ADGRV1: variants seen among roughly 807,000 people sequenced by gnomAD.
ADGRV1 encodes the protein G-protein coupled receptor 98.
A neutral mutation model predicts 596.2 loss-of-function variants in ADGRV1; 359 were observed. The ratio of observed to expected loss-of-function variants is 0.60; its 90% CI spans 0.55 to 0.66. The LOEUF (loss-of-function observed/expected upper bound fraction) is 0.66, where lower values mean the gene tolerates loss of function less well. Ranked by LOEUF, ADGRV1 falls within the 30% of genes least tolerant of loss-of-function variation. The probability of loss-of-function intolerance (pLI) is 0.00; values close to 1 mark genes in which losing one functional copy is unlikely to be tolerated. For synonymous variants in ADGRV1, 2,681 were observed against 2,679.2 expected (o/e 1.00, Z -0.02); for missense variants, 7,274 against 7,575.6 (o/e 0.96, Z 1.48).
chr5:90,736,681 A>AT (rs1753266925), intron 50 of ADGRV1, among the ~76,000 whole-genome samples: 1 of 151,862 alleles, frequency 6.6e-6, no homozygotes, highest in Admixed American at 6.6e-5. Flanking sequence ...CTATCTCTTC[A>AT]TGATTCAGTC....
chr5:91,121,969 G>GA (rs547145432), intron 87 of ADGRV1, among the ~76,000 whole-genome samples: 79 of 142,192 alleles, frequency 5.6e-4, no homozygotes, highest in South Asian at 4.4e-3. Flanking sequence ...TTAAAGAGAA[G>GA]AAAAAAAAAA....
intron 6 of ADGRV1, chr5:90,626,542 A>C (rs941889707): frequency 6.6e-6 from 1 of 152,138 alleles, no homozygotes; most frequent in Non-Finnish European, 1.5e-5. Context: ...TGAAAAGCTC[A>C]CACAGCACAG....
chr5:91,035,923 G>A (rs1401914906), intron 85 of ADGRV1, among the ~76,000 whole-genome samples: 3 of 121,010 alleles, frequency 2.5e-5, no homozygotes, highest in African/African-American at 5.9e-5. Context: ...CTATATACAT[G>A]TGTCAGCTAA....
chr5:90,561,602 A>G (rs1001203045), intron 1 of ADGRV1, among the ~76,000 whole-genome samples: 1 of 152,186 alleles, frequency 6.6e-6, no homozygotes, highest in African/African-American at 2.4e-5. Flanking sequence ...TATAGTATCT[A>G]TAGGGTTCAG....
At position 90,774,302 on chromosome 5, in the gene ADGRV1, A is replaced by G. The variant is rs1396298218; in HGVS notation, c.12402A>G (p.Lys4134=). 5.4e-6 allele frequency: 8 copies of G among 1,489,392 alleles called. No individual in the cohort carries two copies. In the Admixed American group the frequency reaches 1.3e-4, roughly 25 times the overall value. The allele number at this position is 1,489,392 out of a possible 1,614,324, so 92.3% of individuals were successfully genotyped here. A position where few individuals can be genotyped will look rare whatever the true frequency, so the allele number is the denominator to read the frequency against. The change falls in exon 60 of 90, where the codon AAA becomes AAG. Residue 4134 remains lysine (K), a splice_region_variant and synonymous_variant. Coordinates refer to ENST00000405460, the MANE Select transcript of ADGRV1 (RefSeq NM_032119.4). The part of the protein sequence containing the change: ...SIDEVEISPV[K]GSASIIIRGD... ...ATGAGGTAGAAATATCTCCAGTAAAAGGTAAGAGAAATTCACATTTTTGGA... is the reference window on the plus strand; with the variant it reads ...ATGAGGTAGAAATATCTCCAGTAAAGGGTAAGAGAAATTCACATTTTTGGA...
intron 87 of ADGRV1, among the ~76,000 whole-genome samples, chr5:91,127,730 T>C (rs1202960488): frequency 6.6e-6 from 1 of 152,200 alleles, no homozygotes; most frequent in East Asian, 1.9e-4. Context: ...GCTGCCTTTA[T>C]AGAGACACCA....
At chr5:91,007,932 A>G (rs553290250) in intron 85 of ADGRV1, among the ~76,000 whole-genome samples, 119 of 152,054 alleles carry the variant, frequency 7.8e-4, no homozygotes, top group Admixed American at 1.8e-3. Context: ...AGCATTTCCC[A>G]TCTCTGCCAA....
In ADGRV1 at chr5:90,840,874, T is replaced by G. The variant is rs1430021250; in HGVS notation, c.16908T>G (p.His5636Gln). The G allele has an allele frequency of 6.2e-7, 1 of 1,607,908 alleles. No individual in the cohort carries two copies. ...QAIWGLADQL[H>Q]QPVNDDILNR... ...TTTGGGGGCTTGCAGATCAGCTACA[T>G]CAGCCTGTGAATGATGATATTCTCA... The change falls in exon 78 of 90, where the codon CAT becomes CAG. Residue 5636 changes from histidine (H) to glutamine (Q), a missense_variant. This residue lies in a region of ADGRV1 where 1,874 missense variants were observed against 1,970.2 expected (regional missense o/e 0.95). Coordinates refer to ENST00000405460, the MANE Select transcript of ADGRV1 (RefSeq NM_032119.4).
chr5:90,675,284 G>A lies in ADGRV1; in HGVS notation c.5152G>A (p.Asp1718Asn). 2 of 1,613,764 alleles carry A rather than the reference G, an allele frequency of 1.2e-6. No homozygotes were observed. The highest frequency in any genetic ancestry group is 1.7e-6 in the Non-Finnish European group (2 of 1,179,850). Residue 1718 changes from aspartate to asparagine, a missense_variant, in exon 24 of 90, where the codon GAC (aspartate) becomes AAC (asparagine). Coordinates refer to ENST00000405460, the MANE Select transcript of ADGRV1 (RefSeq NM_032119.4). ...FSTGLPPQPKDAMTLPASSVP... is the reference protein window; with the variant it reads ...FSTGLPPQPKNAMTLPASSVP... Reference sequence around the variant, plus strand: ...CACAGGGCTGCCTCCTCAGCCTAAGGACGCAATGACCCTGCCTGCAAGCAG... The same window carrying A: ...CACAGGGCTGCCTCCTCAGCCTAAGAACGCAATGACCCTGCCTGCAAGCAG...
chr5:90,883,471 A>G (rs890198001), intron 83 of ADGRV1, among the ~76,000 whole-genome samples: 1 of 152,098 alleles, frequency 6.6e-6, no homozygotes, highest in Non-Finnish European at 1.5e-5. Context: ...TACTTTGAAC[A>G]TTTTCATTTT....
chr5:90,705,404 T>C lies in ADGRV1; in HGVS notation c.8391T>C (p.Val2797=), dbSNP rs1580803462. 1.2e-6 allele frequency: 2 copies of C among 1,613,228 alleles called. No homozygotes were observed. The highest frequency in any genetic ancestry group is 1.3e-5 in the African/African-American group (1 of 75,032). The part of the protein sequence containing the change: ...VILYDVRTQG[V]PPAGIALLDA... ...ATTCCTGCCTGACATTTTTAGGAGT[T>C]CCACCAGCCGGAATCGCCCTGCTTG... The change falls in exon 37 of 90, where the codon GTT becomes GTC. Residue 2797 remains valine, a synonymous_variant. Transcript: ENST00000405460.
intron 85 of ADGRV1, among the ~76,000 whole-genome samples, chr5:91,002,442 C>G (rs891549534): frequency 7.9e-5 from 12 of 152,106 alleles, no homozygotes; most frequent in African/African-American, 2.4e-5. Flanking sequence ...ATTACTGCTT[C>G]CAATGCGAAT....
At chr5:90,939,866 A>G (rs1455465609) in intron 83 of ADGRV1, among the ~76,000 whole-genome samples, 1 of 152,186 alleles carries the variant, frequency 6.6e-6, no homozygotes, top group African/African-American at 2.4e-5. Context: ...AAAATAGACA[A>G]TAATCTGATT....
At chr5:91,050,088 T>G (rs1000187970) in intron 85 of ADGRV1, among the ~76,000 whole-genome samples, 1 of 152,216 alleles carries the variant, frequency 6.6e-6, no homozygotes, top group Non-Finnish European at 1.5e-5. Flanking sequence ...CCAATCTGGG[T>G]ACTTGTGCTG....
chr5:90,957,185 A>G (rs1777555973), intron 83 of ADGRV1, among the ~76,000 whole-genome samples: 1 of 152,156 alleles, frequency 6.6e-6, no homozygotes, highest in Non-Finnish European at 1.5e-5. Context: ...TGGCAAATGT[A>G]TTTACTTTTA....
intron 50 of ADGRV1, among the ~76,000 whole-genome samples, chr5:90,733,066 A>G (rs1331974442): frequency 1.3e-5 from 2 of 152,328 alleles, no homozygotes; most frequent in East Asian, 3.9e-4. Context: ...TGCCTGGGCA[A>G]GAGTTGAAGA....
intron 87 of ADGRV1, among the ~76,000 whole-genome samples, chr5:91,145,211 C>G (rs1562276005): frequency 6.6e-6 from 1 of 152,150 alleles, no homozygotes; most frequent in Non-Finnish European, 1.5e-5. Context: ...AAAAAACATG[C>G]AGCTTTCACA....
chr5:91,070,634 C>T (rs1397712564), intron 85 of ADGRV1, among the ~76,000 whole-genome samples: 1 of 152,114 alleles, frequency 6.6e-6, no homozygotes, highest in African/African-American at 2.4e-5. Flanking sequence ...TTATGTAAAG[C>T]GCAAGTGGAT....
At chr5:90,601,115 G>A (rs1761350983) in intron 1 of ADGRV1, among the ~76,000 whole-genome samples, 1 of 152,026 alleles carries the variant, frequency 6.6e-6, no homozygotes, top group Non-Finnish European at 1.5e-5. Flanking sequence ...GTGCATGCCT[G>A]TAATCCCAGC....
Sources: gnomAD v4.1 joint callset for allele counts (sites outside exome capture counted in the v4.1 genomes callset) on GRCh38, gnomAD v4.1.1 for gene constraint, gnomAD v4.1.1 regional missense constraint, MANE v1.5 for transcripts, NCBI Gene and HGNC (gene_info 2026-07-23, HGNC 2026-07-21) for gene names.